The following TRMT2B variants were observed in gnomAD, a reference collection of about 807,000 sequenced individuals.
TRMT2B encodes tRNA (uracil-5-)-methyltransferase homolog B.
A neutral mutation model predicts 39.7 loss-of-function variants in TRMT2B; 34 were observed. That is an observed-to-expected ratio of 0.86 (90% confidence interval 0.65 to 1.14). The LOEUF (loss-of-function observed/expected upper bound fraction) is 1.14, where lower values mean the gene tolerates loss of function less well. TRMT2B is among the 50% of genes most tolerant of loss of function. The probability of loss-of-function intolerance (pLI) is 0.00; values close to 1 mark genes in which losing one functional copy is unlikely to be tolerated. For missense variants in TRMT2B, 318 were observed against 377.2 expected, an observed-to-expected ratio of 0.84 and a Z score of 1.30; for synonymous variants, 132 against 137.3, an observed-to-expected ratio of 0.96 and a Z score of 0.27.
chrX:101,020,152 T>C (rs1471491034), intron 11 of TRMT2B, among the ~76,000 whole-genome samples: 1 of 111,830 alleles, frequency 8.9e-6, no homozygotes, highest in Non-Finnish European at 1.9e-5. Context: ...AATATAGGTT[T>C]GACACCTATT....
At chrX:101,022,087 T>C in intron 8 of TRMT2B, 25 bp from the exon 9 acceptor site, 1 of 1,136,638 alleles carries the variant, frequency 8.8e-7, no homozygotes, top group Non-Finnish European at 1.2e-6. Context: ...AAATTAGCAG[T>C]TAAGCAAAGA....
chrX:100,993,449 C>A, the TRMT2B span, among the ~76,000 whole-genome samples: 1 of 111,879 alleles, frequency 8.9e-6, no homozygotes, highest in Non-Finnish European at 1.9e-5. Flanking sequence ...TACGAATCAA[C>A]AAACCGTAAG....
chrX:101,010,911 G>A (rs996673714), intron 13 of TRMT2B, among the ~76,000 whole-genome samples: 2 of 111,877 alleles, frequency 1.8e-5, no homozygotes, highest in African/African-American at 3.2e-5. Context: ...TAGAAATGAA[G>A]TAAACACTGC....
At chrX:101,007,510 G>T (rs2086120731), downstream of TRMT2B, among the ~76,000 whole-genome samples, 1 of 110,404 alleles carries the variant, frequency 9.1e-6, no homozygotes. Context: ...AAAAAAATGA[G>T]CCAGGCATGA....
chrX:101,019,512 C>A (rs1313586329), intron 11 of TRMT2B, 109 bp from the exon 12 acceptor site: 1 of 951,236 alleles, frequency 1.1e-6, no homozygotes, highest in Non-Finnish European at 1.5e-6. Flanking sequence ...CCCTTTGGAT[C>A]TAGCATCACT....
intron 2 of TRMT2B, among the ~76,000 whole-genome samples, chrX:101,048,516 C>T (rs2088841688): frequency 8.9e-6 from 1 of 112,100 alleles, no homozygotes; most frequent in African/African-American, 3.2e-5. Flanking sequence ...CTTGGCTCAC[C>T]GCAACCTCCG....
chrX:100,984,216 C>T, the TRMT2B span, among the ~76,000 whole-genome samples: 1 of 109,532 alleles, frequency 9.1e-6, no homozygotes, highest in African/African-American at 3.3e-5. Context: ...AGGGCTCAAG[C>T]GATTCTCCTG....
At chrX:100,980,810 T>C in the TRMT2B span, among the ~76,000 whole-genome samples, 1 of 111,248 alleles carries the variant, frequency 9.0e-6, no homozygotes, top group African/African-American at 3.3e-5. Context: ...CAGGTGGTGG[T>C]GAATCCTGTC....
At chrX:101,041,228 A>G (rs2088218143) in intron 4 of TRMT2B, 89 bp downstream of exon 4, 2 of 808,017 alleles carry the variant, frequency 2.5e-6, no homozygotes, top group South Asian at 2.9e-5. Context: ...TTAAAAATAA[A>G]TAAATAAATA....
At chrX:100,976,709 T>G in the TRMT2B span, among the ~76,000 whole-genome samples, 2 of 112,450 alleles carry the variant, frequency 1.8e-5, no homozygotes, top group African/African-American at 6.5e-5. Flanking sequence ...GCCTCCTGGA[T>G]TCAACCGATT....
chrX:101,034,030 C>T lies in TRMT2B; in HGVS notation c.609+1583G>A, dbSNP rs1318754058. Reference sequence around the variant, plus strand: ...GCTAATTTTGTATTTTTAGTAGAGACAGGGTTTCTCCATGTTGGTCAGGCT... The same window carrying T: ...GCTAATTTTGTATTTTTAGTAGAGATAGGGTTTCTCCATGTTGGTCAGGCT... On this transcript the variant is annotated intron_variant, in intron 7 of 13. Coordinates refer to ENST00000372936, the MANE Select transcript of TRMT2B (RefSeq NM_024917.6). Among the ~76,000 whole-genome samples, 5 of 110,579 alleles carry T rather than the reference C, an allele frequency of 4.5e-5. No individual in the cohort carries two copies. The East Asian group carries it at 1.4e-3, about 31-fold the overall frequency.
At chrX:101,019,501 T>A (rs2086687928) in intron 11 of TRMT2B, 98 bp from the exon 12 acceptor site, 2 of 1,014,498 alleles carry the variant, frequency 2.0e-6, no homozygotes, top group Non-Finnish European at 2.7e-6. Flanking sequence ...TCTGCCATCT[T>A]CCCTTTGGAT....
chrX:101,004,666 T>C (rs1729071577), downstream of TRMT2B, among the ~76,000 whole-genome samples: 1 of 110,482 alleles, frequency 9.1e-6, no homozygotes, highest in African/African-American at 3.3e-5. Context: ...CATGCCCAGC[T>C]AATTTTGTAT....
chrX:100,975,676 A>C, the TRMT2B span, among the ~76,000 whole-genome samples: 1 of 103,098 alleles, frequency 9.7e-6, no homozygotes, highest in Non-Finnish European at 2.0e-5. Context: ...TCTGTTGCCC[A>C]GGCTGGAGTG....
At chrX:100,985,527 G>A in the TRMT2B span, 7 of 680,158 alleles carry the variant, frequency 1.0e-5, no homozygotes, top group African/African-American at 4.4e-5. Context: ...CTTTGTGATT[G>A]CTTTTCCTCT....
chrX:100,996,276 G>A, the TRMT2B span, among the ~76,000 whole-genome samples: 1 of 112,283 alleles, frequency 8.9e-6, no homozygotes, highest in Admixed American at 9.5e-5. Flanking sequence ...GAAGGGTGGA[G>A]CGGGGAGCGG....
At chrX:101,019,646 T>C (rs1259493571) in intron 11 of TRMT2B, among the ~76,000 whole-genome samples, 1 of 107,999 alleles carries the variant, frequency 9.3e-6, no homozygotes. Context: ...TTTTTTTTTT[T>C]CTTTTGCGAC....
chrX:100,991,970 T>C, the TRMT2B span, among the ~76,000 whole-genome samples: 1 of 111,119 alleles, frequency 9.0e-6, no homozygotes, highest in Non-Finnish European at 1.9e-5. Flanking sequence ...TGGATACATA[T>C]ATACAGTTTG....
chrX:101,037,985 C>T lies in TRMT2B; in HGVS notation c.370G>A (p.Val124Ile). ...LESYIQMLNG[V>I]SVTTAVPKSE... ...TTGGGTACAGCCGTTGTCACACTGA[C>T]TCCATTGAGCATTTGGATGTAAGAC... Residue 124 changes from valine (V) to isoleucine (I), a missense_variant, in exon 5 of 14, where the codon GTC becomes ATC. Val to Ile is a conservative substitution (Grantham distance 29). Transcript: ENST00000372936. 1 of 1,208,507 alleles carries T rather than the reference C, an allele frequency of 8.3e-7. No homozygotes were observed. The highest frequency in any genetic ancestry group is 1.1e-6 in the Non-Finnish European group (1 of 892,918).
Sources: allele counts gnomAD v4.1 joint callset (sites outside exome capture counted in the v4.1 genomes callset), GRCh38; gene constraint gnomAD v4.1.1; transcripts MANE v1.5; gene names NCBI Gene and HGNC (gene_info 2026-07-23, HGNC 2026-07-21).